ARHGAP29: variants seen among roughly 807,000 people sequenced by gnomAD.
ARHGAP29 encodes the protein rho GTPase-activating protein 29.
ARHGAP29 carries 43 observed loss-of-function variants against 122.6 expected under a neutral mutation model. The ratio of observed to expected loss-of-function variants is 0.35; its 90% CI spans 0.27 to 0.45. The LOEUF is 0.45. ARHGAP29 is among the 20% of genes least tolerant of loss of function. The pLI, the probability that ARHGAP29 is intolerant of heterozygous loss-of-function variation, is 1.00. For missense variants in ARHGAP29, 1,303 were observed against 1,477.2 expected (o/e 0.88, Z 1.93); for synonymous variants, 506 against 497.1 (o/e 1.02, Z -0.24).
chr1:94,288,052 G>A, the ARHGAP29 span, among the ~76,000 whole-genome samples: 1 of 151,912 alleles, frequency 6.6e-6, no homozygotes, highest in Non-Finnish European at 1.5e-5. Flanking sequence ...AGTGTTTCTG[G>A]TTCTAGATCC....
At chr1:94,229,937 A>G (rs1652830122) in intron 2 of ARHGAP29, among the ~76,000 whole-genome samples, 1 of 151,674 alleles carries the variant, frequency 6.6e-6, no homozygotes, top group South Asian at 2.1e-4. Context: ...TTTAAGGAAA[A>G]TAACTAAAAA....
At position 94,203,739 on chromosome 1, in the gene ARHGAP29, C is replaced by T. The variant is rs76913596; in HGVS notation, c.762+191G>A. Among the ~76,000 whole-genome samples the T allele has an allele frequency of 1.4e-3, 203 of 150,010 alleles. 3 individuals carry two copies. In the East Asian group the frequency reaches 0.03, roughly 22 times the overall value. ...TACAGAGTGAGACCCTGTCTTAAGA[C>T]GAAAAAAAAAGCGTATTTCCTAGAT... On this transcript the variant is annotated intron_variant, in intron 8 of 22. Coordinates refer to ENST00000260526, the MANE Select transcript of ARHGAP29 (RefSeq NM_004815.4).
chr1:94,204,379 C>T (rs1319046505), intron 7 of ARHGAP29, among the ~76,000 whole-genome samples: 1 of 152,184 alleles, frequency 6.6e-6, no homozygotes, highest in Admixed American at 6.6e-5. Flanking sequence ...GCCTCCATTT[C>T]ACCTCTCTGA....
chr1:94,242,964 T>C (rs143881712), intron 1 of ARHGAP29, among the ~76,000 whole-genome samples: 146 of 152,212 alleles, frequency 9.6e-4, no homozygotes, highest in African/African-American at 3.4e-3. Flanking sequence ...AAGCAACATT[T>C]CATAATGATA....
chr1:94,189,027 C>G (rs919916442), intron 14 of ARHGAP29, 86 bp from the exon 15 acceptor site: 17 of 1,424,734 alleles, frequency 1.2e-5, no homozygotes, highest in Middle Eastern at 3.6e-4. Context: ...TGAGACAATT[C>G]AAATTTCTTT....
intron 1 of ARHGAP29, among the ~76,000 whole-genome samples, chr1:94,245,364 A>G (rs1251578079): frequency 6.6e-6 from 1 of 152,236 alleles, no homozygotes; most frequent in South Asian, 2.1e-4. Flanking sequence ...AAACTGTGGT[A>G]CAGCCTTACG....
At chr1:94,303,357 G>T in the ARHGAP29 span, among the ~76,000 whole-genome samples, 5 of 152,226 alleles carry the variant, frequency 3.3e-5, no homozygotes, top group Non-Finnish European at 7.3e-5. Context: ...AATGCCCAGA[G>T]AAGTGAACTT....
chr1:94,223,500 C>G (rs1570568324), intron 2 of ARHGAP29, among the ~76,000 whole-genome samples: 1 of 151,992 alleles, frequency 6.6e-6, no homozygotes, highest in African/African-American at 2.4e-5. Flanking sequence ...GCACTTAGAA[C>G]AGTGGCTGGA....
chr1:94,312,336 T>G, the ARHGAP29 span, among the ~76,000 whole-genome samples: 14 of 151,368 alleles, frequency 9.2e-5, no homozygotes, highest in Middle Eastern at 6.8e-3. Context: ...GCCTTCCTCC[T>G]TCTTCTTCAT....
chr1:94,173,832 C>T lies in ARHGAP29; in HGVS notation c.*37G>A. 6.4e-7 allele frequency: 1 copy of T among 1,554,470 alleles called. No homozygotes were observed. Among genetic ancestry groups the T allele is most frequent in the African/African-American group, 1.4e-5 (1 of 73,058 alleles). ...AAACAAGCACAATACCACAAAATAA[C>T]ACAACAACAACAAAAAAACCCTGAA... is the stretch of plus-strand genomic sequence containing the variant. On this transcript the variant is annotated 3_prime_UTR_variant, in exon 23 of 23. Coordinates refer to ENST00000260526, the MANE Select transcript of ARHGAP29 (RefSeq NM_004815.4).
the ARHGAP29 span, among the ~76,000 whole-genome samples, chr1:94,283,746 A>G: frequency 6.6e-6 from 1 of 152,220 alleles, no homozygotes; most frequent in Non-Finnish European, 1.5e-5. Flanking sequence ...AGAAAATGGT[A>G]TGAAGTTTAA....
chr1:94,232,537 T>C (rs867279811), intron 1 of ARHGAP29, among the ~76,000 whole-genome samples: 2 of 152,152 alleles, frequency 1.3e-5, no homozygotes, highest in Non-Finnish European at 2.9e-5. Flanking sequence ...AAAAAGGTAA[T>C]CTTTTGGTAT....
chr1:94,311,784 G>T, the ARHGAP29 span, among the ~76,000 whole-genome samples: 1 of 152,060 alleles, frequency 6.6e-6, no homozygotes. Context: ...GACAGCTTCC[G>T]CATATGTACC....
At chr1:94,198,348 T>C (rs1650599715) in intron 12 of ARHGAP29, among the ~76,000 whole-genome samples, 1 of 151,976 alleles carries the variant, frequency 6.6e-6, no homozygotes, top group African/African-American at 2.4e-5. Flanking sequence ...CATGGTGGCA[T>C]GCACGTGTAG....
chr1:94,180,268 A>G (rs1296514954), intron 19 of ARHGAP29, among the ~76,000 whole-genome samples: 1 of 152,178 alleles, frequency 6.6e-6, no homozygotes, highest in Non-Finnish European at 1.5e-5. Flanking sequence ...GACTCCCCCA[A>G]AGTTAGTATG....
In ARHGAP29 at chr1:94,177,653, C is replaced by A; in HGVS notation, c.2864G>T (p.Arg955Leu). Reference protein sequence around the residue: ...ERATSFEESERKQNALGKCDA... With the variant: ...ERATSFEESELKQNALGKCDA... ...ACATTTTCCTAACGCATTTTGCTTGCGTTCTGATTCCTCAAATGATGTAGC... is the reference window on the plus strand; with the variant it reads ...ACATTTTCCTAACGCATTTTGCTTGAGTTCTGATTCCTCAAATGATGTAGC... Residue 955 changes from arginine to leucine, a missense_variant, in exon 22 of 23, where the codon CGC (arginine) becomes CTC (leucine). Arg to Leu is a moderately radical substitution (Grantham distance 102). Transcript: ENST00000260526. 6.2e-7 allele frequency: 1 copy of A among 1,613,220 alleles called. No homozygotes were observed. Among genetic ancestry groups the A allele is most frequent in the South Asian group, 1.1e-5 (1 of 90,932 alleles).
chr1:94,205,620 C>A lies in ARHGAP29; in HGVS notation c.559+15G>T, dbSNP rs1651143007. The A allele has an allele frequency of 6.2e-7, 1 of 1,608,556 alleles. No homozygotes were observed. The highest frequency in any genetic ancestry group is 8.5e-7 in the Non-Finnish European group (1 of 1,177,484). On this transcript the variant is annotated intron_variant, in intron 6 of 22. Coordinates refer to ENST00000260526, the MANE Select transcript of ARHGAP29 (RefSeq NM_004815.4). ...CAAGAAGTTTGTGAAAAGTTATAAA[C>A]ACCTTGAGCATTACCTTTTTCACTG...
At position 94,177,199 on chromosome 1, in the gene ARHGAP29, A is replaced by T. The variant is rs111407189; in HGVS notation, c.2905+413T>A. 4.4e-3 allele frequency: 671 copies of T among 154,050 alleles called. 5 individuals carry two copies. The highest frequency in any genetic ancestry group is 0.015 in the African/African-American group (615 of 41,568). The allele number at this position is 154,050 out of a possible 1,614,324, so 9.5% of individuals were successfully genotyped here. A position where few individuals can be genotyped will look rare whatever the true frequency, so the allele number is the denominator to read the frequency against. On this transcript the variant is annotated intron_variant, in intron 22 of 22. Coordinates refer to ENST00000260526, the MANE Select transcript of ARHGAP29 (RefSeq NM_004815.4). Reference sequence around the variant, plus strand: ...AAAAGCATGTCAAAAAAAAAGTAGGACTCTAAAGTTTTTGAATTTCAGGAG... The same window carrying T: ...AAAAGCATGTCAAAAAAAAAGTAGGTCTCTAAAGTTTTTGAATTTCAGGAG...
chr1:94,218,182 G>A (rs1042309448), intron 3 of ARHGAP29, among the ~76,000 whole-genome samples: 3 of 152,164 alleles, frequency 2.0e-5, no homozygotes, highest in African/African-American at 7.2e-5. Flanking sequence ...AGTTGGGGCA[G>A]GGAAAGAGGT....
Sources: gnomAD v4.1 joint callset for allele counts (sites outside exome capture counted in the v4.1 genomes callset) on GRCh38, gnomAD v4.1.1 for gene constraint, MANE v1.5 for transcripts, NCBI Gene and HGNC (gene_info 2026-07-23, HGNC 2026-07-21) for gene names.